Variants in SEH1L observed in about 807,000 individuals in gnomAD.
SEH1L encodes SEH1 like nucleoporin.
SEH1L carries 18 observed loss-of-function variants against 49.5 expected under a neutral mutation model. That is an observed-to-expected ratio of 0.36 (90% CI 0.25 to 0.54). The LOEUF is 0.54. Among genes scored for constraint, SEH1L ranks in the 20% least tolerant of loss-of-function variants. SEH1L has a pLI of 0.87. For missense variants in SEH1L, 404 were observed against 528.8 expected (o/e 0.76, Z 2.31); for synonymous variants, 169 against 178.1 (o/e 0.95, Z 0.41).
In SEH1L at chr18:12,987,215, G is replaced by C; in HGVS notation, c.*158G>C. ...AATACAGTGTTTGGAACCTAAATCT[G>C]TTTGTGCGTCTGCATCAAAGGAACA... On this transcript the variant is annotated 3_prime_UTR_variant, in exon 9 of 9. Transcript: ENST00000399892. The C allele has an allele frequency of 4.2e-6, 2 of 481,070 alleles. No individual in the cohort carries two copies. The highest frequency in any genetic ancestry group is 2.0e-5 in the African/African-American group (1 of 50,060). The allele number at this position is 481,070 out of a possible 1,614,324, so 29.8% of individuals were successfully genotyped here.
intron 8 of SEH1L, chr18:12,986,010 T>C (rs1419479853): frequency 6.6e-6 from 6 of 911,938 alleles, no homozygotes; most frequent in Non-Finnish European, 1.3e-6. Context: ...TGTATTTTTA[T>C]GGTGTTATTT....
chr18:12,952,192 T>C (rs968594537), intron 2 of SEH1L, among the ~76,000 whole-genome samples: 1 of 142,298 alleles, frequency 7.0e-6, no homozygotes, highest in Non-Finnish European at 1.5e-5. Flanking sequence ...AGTTTTCTCT[T>C]AAAAAAAAAA....
intron 6 of SEH1L, among the ~76,000 whole-genome samples, chr18:12,980,531 C>T (rs866345724): frequency 2.1e-5 from 2 of 94,090 alleles, no homozygotes; most frequent in East Asian, 4.1e-4. Context: ...ACCCCCCCAC[C>T]TCCCTCCCGG....
intron 1 of SEH1L, among the ~76,000 whole-genome samples, chr18:12,949,787 C>CA (rs1243209662): frequency 6.6e-6 from 1 of 152,022 alleles, no homozygotes; most frequent in Non-Finnish European, 1.5e-5. Context: ...AATTCAGTGG[C>CA]ATAGAGCACA....
At chr18:12,985,391 G>T (rs914886364) in intron 8 of SEH1L, 4 of 1,403,506 alleles carry the variant, frequency 2.9e-6, no homozygotes, top group Non-Finnish European at 3.7e-6. Flanking sequence ...ACTACTAAAC[G>T]CAATCCAAAA....
At chr18:12,982,974 CA>C (rs1284085696) in intron 7 of SEH1L, 3 of 188,232 alleles carry the variant, frequency 1.6e-5, no homozygotes, top group Non-Finnish European at 3.3e-5. Flanking sequence ...GACTGCTCTA[CA>C]AACTCAGGCT....
At chr18:12,979,973 C>T (rs1341400751) in intron 6 of SEH1L, among the ~76,000 whole-genome samples, 1 of 137,170 alleles carries the variant, frequency 7.3e-6, no homozygotes, top group Non-Finnish European at 1.6e-5. Flanking sequence ...CCTCACCTCC[C>T]GGACGGGGCG....
At chr18:12,950,065 GCT>G in intron 1 of SEH1L, among the ~76,000 whole-genome samples, 1 of 151,076 alleles carries the variant, frequency 6.6e-6, no homozygotes, top group South Asian at 2.1e-4. Flanking sequence ...GCAGAGTCTG[GCT>G]CTGTCACCCA....
chr18:12,968,759 C>A (rs9946408), intron 4 of SEH1L, among the ~76,000 whole-genome samples: 32,440 of 152,080 alleles, frequency 0.21, 3,911 homozygotes, highest in East Asian at 0.4. Flanking sequence ...TCCAGGTGAT[C>A]TGTCTACACT....
chr18:12,968,419 C>T (rs1207172439), intron 4 of SEH1L, among the ~76,000 whole-genome samples: 2 of 152,170 alleles, frequency 1.3e-5, no homozygotes, highest in South Asian at 2.1e-4. Flanking sequence ...TGGAGTGCTC[C>T]TTTATTTCCA....
intron 3 of SEH1L, among the ~76,000 whole-genome samples, chr18:12,962,177 G>A (rs1014111451): frequency 6.6e-6 from 1 of 151,676 alleles, no homozygotes; most frequent in Non-Finnish European, 1.5e-5. Context: ...GGGAAGATCA[G>A]TTGAGGCCAG....
chr18:12,952,043 A>G (rs2030565791), intron 2 of SEH1L, 138 bp downstream of exon 2: 10 of 481,900 alleles, frequency 2.1e-5, no homozygotes, highest in Middle Eastern at 5.8e-4. Context: ...GTTTTTCGCT[A>G]TTAAAGTAAC....
chr18:12,955,544 A>G lies in SEH1L; in HGVS notation c.244A>G (p.Thr82Ala). The stretch of plus-strand genomic sequence containing the variant: ...TTTGGCTTCCTGTTCTTTTGACCGA[A>G]CAGCTGCTGTATGGGAAGAAATAGT... ...QVLASCSFDR[T>A]AAVWEEIVGE... The change falls in exon 3 of 9, where the codon ACA becomes GCA. Residue 82 changes from threonine to alanine, a missense_variant. Thr to Ala is a moderately conservative substitution (Grantham distance 58). Around this residue, in one of 3 missense-constraint regions of SEH1L, gnomAD observed 342 missense variants for 430.8 expected, o/e 0.79. Coordinates refer to ENST00000399892, the MANE Select transcript of SEH1L (RefSeq NM_001013437.2). 1 of 1,613,928 alleles carries G rather than the reference A, an allele frequency of 6.2e-7. No homozygotes were observed. Among genetic ancestry groups the G allele is most frequent in the Non-Finnish European group, 8.5e-7 (1 of 1,179,956 alleles).
intron 4 of SEH1L, among the ~76,000 whole-genome samples, chr18:12,970,539 G>C (rs965726103): frequency 1.3e-5 from 2 of 152,168 alleles, no homozygotes; most frequent in African/African-American, 4.8e-5. Context: ...TCCTGCCTCA[G>C]CTCCTGAGTA....
chr18:12,955,164 G>A (rs1464223588), intron 2 of SEH1L, among the ~76,000 whole-genome samples: 2 of 150,948 alleles, frequency 1.3e-5, no homozygotes, highest in East Asian at 3.9e-4. Context: ...TATCAGCACT[G>A]GAAGTAGTCA....
At position 12,984,034 on chromosome 18, in the gene SEH1L, T is replaced by G. The variant is rs1044761827; in HGVS notation, c.920-6T>G. The G allele has an allele frequency of 6.2e-7, 1 of 1,611,512 alleles. No homozygotes were observed. Among genetic ancestry groups the G allele is most frequent in the Non-Finnish European group, 8.5e-7 (1 of 1,177,888 alleles). ...ATGTTAATGTATTTGATTATTTTCC[T>G]TTCAGCTAATTATATGGACAATTGG... is the stretch of plus-strand genomic sequence containing the variant. On this transcript the variant is annotated splice_region_variant and splice_polypyrimidine_tract_variant and intron_variant, in intron 7 of 8. Coordinates refer to ENST00000399892, the MANE Select transcript of SEH1L (RefSeq NM_001013437.2).
intron 5 of SEH1L, chr18:12,976,073 C>A (rs1257516437): frequency 6.3e-6 from 1 of 158,014 alleles, no homozygotes; most frequent in Non-Finnish European, 1.4e-5. Context: ...TGCTGCATGA[C>A]AGCATTATCA....
intron 6 of SEH1L, among the ~76,000 whole-genome samples, chr18:12,981,070 G>A (rs1291224358): frequency 4.0e-5 from 6 of 151,598 alleles, no homozygotes; most frequent in South Asian, 2.1e-4. Flanking sequence ...CAGACGGGGC[G>A]GTTGCCAGGC....
intron 8 of SEH1L, among the ~76,000 whole-genome samples, chr18:12,984,395 A>T (rs534178566): frequency 6.6e-6 from 1 of 152,242 alleles, no homozygotes; most frequent in Non-Finnish European, 1.5e-5. Flanking sequence ...AAGTCATTAC[A>T]TTATATTCTG....
Sources: gnomAD v4.1 joint callset for allele counts (sites outside exome capture counted in the v4.1 genomes callset) on GRCh38, gnomAD v4.1.1 for gene constraint, gnomAD v4.1.1 regional missense constraint, MANE v1.5 for transcripts, NCBI Gene and HGNC (gene_info 2026-07-23, HGNC 2026-07-21) for gene names.